CFAP61: variants seen among roughly 807,000 people sequenced by gnomAD.
CFAP61 encodes cilia- and flagella-associated protein 61.
Under a neutral mutation model 135.6 loss-of-function variants are expected in CFAP61, and 107 were observed. That is an observed-to-expected ratio of 0.79 (90% confidence interval 0.67 to 0.93). CFAP61 has a LOEUF of 0.93. Among genes scored for constraint, CFAP61 ranks in the 40% least tolerant of loss-of-function variants. CFAP61 has a pLI of 0.00. For synonymous variants in CFAP61, 575 were observed against 578.5 expected (o/e 0.99, Z 0.09); for missense variants, 1,507 against 1,556.2 (o/e 0.97, Z 0.53).
At chr20:20,316,988 T>C (rs1361479468) in intron 25 of CFAP61, 1 of 150,092 alleles carries the variant, frequency 6.7e-6, no homozygotes, top group Non-Finnish European at 1.5e-5. Flanking sequence ...GCGATTATCA[T>C]GCCTCAGCTT....
chr20:20,200,790 G>A (rs561569360), intron 17 of CFAP61: 52 of 985,356 alleles, frequency 5.3e-5, no homozygotes, highest in African/African-American at 1.9e-4. Flanking sequence ...TACGCTCGGC[G>A]CTGCAGGAAG....
At chr20:20,153,325 G>A (rs1428099405) in intron 9 of CFAP61, among the ~76,000 whole-genome samples, 2 of 151,832 alleles carry the variant, frequency 1.3e-5, no homozygotes, top group Non-Finnish European at 2.9e-5. Flanking sequence ...AGAGAAACAA[G>A]AACAAATCAA....
At chr20:20,067,074 T>A (rs1435889415) in intron 2 of CFAP61, among the ~76,000 whole-genome samples, 1 of 151,958 alleles carries the variant, frequency 6.6e-6, no homozygotes, top group African/African-American at 2.4e-5. Context: ...TTATAAAAAG[T>A]TTTATAACAT....
intron 17 of CFAP61, among the ~76,000 whole-genome samples, chr20:20,218,601 G>A (rs1488275335): frequency 6.6e-6 from 1 of 152,134 alleles, no homozygotes; most frequent in African/African-American, 2.4e-5. Context: ...TTTTGGCTTG[G>A]TTTGTTACAC....
chr20:20,164,314 A>G, intron 11 of CFAP61, 86 bp downstream of exon 11: 6 of 1,357,128 alleles, frequency 4.4e-6, no homozygotes, highest in Non-Finnish European at 6.0e-6. Context: ...CAGAGCCAGT[A>G]ATTTCCAAAC....
At chr20:20,324,187 C>T (rs2057660992) in intron 25 of CFAP61, among the ~76,000 whole-genome samples, 1 of 152,036 alleles carries the variant, frequency 6.6e-6, no homozygotes, top group Admixed American at 6.6e-5. Context: ...TGAGACGTGC[C>T]CTCTTCCTTC....
intron 15 of CFAP61, among the ~76,000 whole-genome samples, chr20:20,196,084 A>G (rs1392843553): frequency 1.3e-5 from 2 of 152,188 alleles, no homozygotes; most frequent in African/African-American, 4.8e-5. Flanking sequence ...GTCTCAAACT[A>G]AACAAAACAA....
chr20:20,317,672 C>T (rs547487536), intron 25 of CFAP61, among the ~76,000 whole-genome samples: 1 of 152,246 alleles, frequency 6.6e-6, no homozygotes, highest in South Asian at 2.1e-4. Context: ...CCTCTTGGCC[C>T]CAGCGGCTCT....
chr20:20,186,666 A>G (rs915435717), intron 13 of CFAP61, among the ~76,000 whole-genome samples: 1 of 152,196 alleles, frequency 6.6e-6, no homozygotes, highest in African/African-American at 2.4e-5. Flanking sequence ...TTAAGATGGT[A>G]TTAATTGTTC....
intron 26 of CFAP61, among the ~76,000 whole-genome samples, chr20:20,349,828 A>C (rs1386058983): frequency 6.6e-6 from 1 of 152,216 alleles, no homozygotes; most frequent in African/African-American, 2.4e-5. Flanking sequence ...ACCCAAAACA[A>C]TCTACAATTC....
chr20:20,098,607 CAAAA>C (rs10651068), intron 7 of CFAP61, 44 bp from the exon 8 acceptor site: 1,581 of 1,191,804 alleles, frequency 1.3e-3, no homozygotes, highest in Non-Finnish European at 1.5e-3. Context: ...GACTTTGTCT[CAAAA>C]AAAAAAAAAA....
chr20:20,053,379 C>T (rs1434133952), intron 1 of CFAP61, among the ~76,000 whole-genome samples: 1 of 152,150 alleles, frequency 6.6e-6, no homozygotes, highest in Non-Finnish European at 1.5e-5. Context: ...TTAAAAATAT[C>T]CTCCACCAGA....
chr20:20,088,294 C>T (rs562931593), intron 6 of CFAP61, among the ~76,000 whole-genome samples: 1 of 152,180 alleles, frequency 6.6e-6, no homozygotes, highest in Admixed American at 6.5e-5. Context: ...GTGTATTAGT[C>T]CATTCTCACA....
chr20:20,163,213 A>G (rs1036531358), intron 10 of CFAP61, among the ~76,000 whole-genome samples: 2 of 152,210 alleles, frequency 1.3e-5, no homozygotes, highest in African/African-American at 4.8e-5. Context: ...TTGATTTAAA[A>G]GAACTCCATG....
At chr20:20,078,231 G>A (rs1290776153) in intron 6 of CFAP61, among the ~76,000 whole-genome samples, 10 of 152,170 alleles carry the variant, frequency 6.6e-5, no homozygotes, top group African/African-American at 1.7e-4. Flanking sequence ...CCCATCATGC[G>A]CTGAACTGGT....
chr20:20,069,641 G>A lies in CFAP61; in HGVS notation c.144-1213G>A, dbSNP rs557898758. 7 of 430,882 alleles carry A rather than the reference G, an allele frequency of 1.6e-5. No individual in the cohort carries two copies. The East Asian group carries it at 2.8e-4, about 17-fold the overall frequency. 26.7% of individuals were successfully genotyped at this position (430,882 alleles called of 1,614,324 possible). On this transcript the variant is annotated intron_variant, in intron 2 of 26. Coordinates refer to ENST00000245957, the MANE Select transcript of CFAP61 (RefSeq NM_015585.4). The stretch of plus-strand genomic sequence containing the variant: ...GTATAGTTACCTCACGAAAAGATAA[G>A]TCTGGAGAGACAGAAACCAAAGTGT...
intron 19 of CFAP61, among the ~76,000 whole-genome samples, chr20:20,249,603 C>G (rs573160886): frequency 6.6e-6 from 1 of 152,326 alleles, no homozygotes; most frequent in South Asian, 2.1e-4. Context: ...TTCTTCAACA[C>G]TTCCTTTTGT....
rs373191998 is a variant in CFAP61 at position 20,134,104 on chromosome 20, AT to A, written c.860-8752del. On this transcript the variant is annotated intron_variant, in intron 8 of 26. Coordinates refer to ENST00000245957, the MANE Select transcript of CFAP61 (RefSeq NM_015585.4). The stretch of plus-strand genomic sequence containing the variant: ...GCAAGACAAACAACTTTACAATAAC[AT>A]CATTGTCTTGAAGGATAAAAGAGTG... 3.2e-4 allele frequency among the ~76,000 whole-genome samples: 49 copies of A among 152,316 alleles called. No homozygotes were observed. In the East Asian group the frequency reaches 7.1e-3, roughly 22 times the overall value.
chr20:20,105,514 C>T (rs919313749), intron 8 of CFAP61, among the ~76,000 whole-genome samples: 3 of 152,166 alleles, frequency 2.0e-5, no homozygotes, highest in African/African-American at 7.2e-5. Context: ...TTCTTTGATG[C>T]CTGTACTCAA....
Sources: gnomAD v4.1 joint callset for allele counts (sites outside exome capture counted in the v4.1 genomes callset) on GRCh38, gnomAD v4.1.1 for gene constraint, MANE v1.5 for transcripts, NCBI Gene and HGNC (gene_info 2026-07-23, HGNC 2026-07-21) for gene names.